The following RABEPK variants were observed in gnomAD, a reference collection of about 807,000 sequenced individuals.
RABEPK encodes Rab9 effector protein with kelch motifs, also known as 40 kDa Rab9 effector protein.
In RABEPK, 27 loss-of-function variants were observed where a neutral mutation model predicts 34.1. The observed-to-expected ratio is 0.79, with a 90% CI of 0.58 to 1.09. The LOEUF is 1.09. RABEPK is among the 50% of genes least tolerant of loss of function. The pLI is 0.00. For synonymous variants in RABEPK, 172 were observed against 169.2 expected (o/e 1.02, Z -0.13); for missense variants, 449 against 462.6 (o/e 0.97, Z 0.27).
intron 5 of RABEPK, chr9:125,221,200 A>G (rs1831308434): frequency 8.3e-6 from 1 of 120,494 alleles, no homozygotes; most frequent in South Asian, 2.6e-4. Context: ...ATAAATAAAT[A>G]AAACTAAAAA....
intron 6 of RABEPK, among the ~76,000 whole-genome samples, chr9:125,229,611 C>T (rs1832033378): frequency 6.6e-6 from 1 of 152,178 alleles, no homozygotes; most frequent in African/African-American, 2.4e-5. Flanking sequence ...TGTCTCTTAA[C>T]CTTCCAACAG....
intron 5 of RABEPK, among the ~76,000 whole-genome samples, chr9:125,225,326 A>G (rs1365074884): frequency 2.0e-5 from 3 of 151,942 alleles, no homozygotes; most frequent in East Asian, 3.9e-4. Flanking sequence ...CAGAGGTTGC[A>G]GTGAGAGCCA....
Position 125,233,783 on chromosome 9 carries a change from G to A in RABEPK, c.922G>A (p.Ala308Thr). The A allele has an allele frequency of 6.2e-7, 1 of 1,614,084 alleles. No homozygotes were observed. Among genetic ancestry groups the A allele is most frequent in the Non-Finnish European group, 8.5e-7 (1 of 1,179,954 alleles). Reference protein sequence around the residue: ...MCIIPWPVTCASEKEDSNSLT... With the variant: ...MCIIPWPVTCTSEKEDSNSLT... ...TATCATTCCATGGCCAGTGACGTGT[G>A]CTTCTGAGAAAGAAGATTCCAACTC... The change falls in exon 8 of 8, where the codon GCT becomes ACT. Residue 308 changes from alanine (A) to threonine (T), a missense_variant. Coordinates refer to ENST00000373538, the MANE Select transcript of RABEPK (RefSeq NM_005833.4).
In RABEPK at chr9:125,220,704, T is replaced by G; in HGVS notation, c.526+4T>G. The G allele has an allele frequency of 6.2e-7, 1 of 1,613,692 alleles. No homozygotes were observed. On this transcript the variant is annotated splice_donor_region_variant and intron_variant, in intron 5 of 7. Coordinates refer to ENST00000373538, the MANE Select transcript of RABEPK (RefSeq NM_005833.4). ...AAGCTGCATGTGTTTGACGCAAGTA[T>G]GGACTGGTGGGCACCTTGGGGCTGG...
At chr9:125,222,711 A>G (rs1035300502) in intron 5 of RABEPK, among the ~76,000 whole-genome samples, 1 of 128,214 alleles carries the variant, frequency 7.8e-6, no homozygotes, top group East Asian at 2.2e-4. Context: ...AAGACTCTGT[A>G]TCAAAAAAAA....
chr9:125,203,721 G>A (rs1387667533), intron 2 of RABEPK, among the ~76,000 whole-genome samples: 1 of 152,136 alleles, frequency 6.6e-6, no homozygotes, highest in Non-Finnish European at 1.5e-5. Context: ...GTGCCTCCCT[G>A]TTGGTGTTGG....
At chr9:125,201,728 C>G (rs1829915902) in intron 1 of RABEPK, among the ~76,000 whole-genome samples, 1 of 152,064 alleles carries the variant, frequency 6.6e-6, no homozygotes, top group Admixed American at 6.6e-5. Flanking sequence ...ATTCTCACGC[C>G]TCAGCCTCCT....
In RABEPK at chr9:125,224,041, A is replaced by G. The variant is rs558272721; in HGVS notation, c.526+3341A>G. Among the ~76,000 whole-genome samples the G allele has an allele frequency of 5.9e-5, 9 of 152,050 alleles. No homozygotes were observed. In the South Asian group the frequency reaches 1.9e-3, roughly 32 times the overall value. ...AAACCCTGTTTCAACTGAAAATACA[A>G]AAAATTATCCAGGCATGGCGGCAGG... On this transcript the variant is annotated intron_variant, in intron 5 of 7. Transcript: ENST00000373538.
intron 6 of RABEPK, among the ~76,000 whole-genome samples, chr9:125,230,509 C>A (rs1288093728): frequency 5.9e-5 from 9 of 151,296 alleles, no homozygotes; most frequent in African/African-American, 2.2e-4. Context: ...AGATGCTGGG[C>A]CCCTGCCTTG....
intron 3 of RABEPK, among the ~76,000 whole-genome samples, chr9:125,212,175 T>A (rs1409710663): frequency 6.6e-6 from 1 of 152,192 alleles, no homozygotes; most frequent in Admixed American, 6.6e-5. Context: ...AGGTCTTGTG[T>A]AATTGGTTAA....
intron 2 of RABEPK, among the ~76,000 whole-genome samples, chr9:125,205,438 T>C (rs1830164431): frequency 6.6e-6 from 1 of 152,220 alleles, no homozygotes; most frequent in Admixed American, 6.6e-5. Context: ...TAGCTTCAGT[T>C]CCTCCGTTGT....
At chr9:125,204,427 C>T (rs996974654) in intron 2 of RABEPK, among the ~76,000 whole-genome samples, 3 of 152,022 alleles carry the variant, frequency 2.0e-5, no homozygotes, top group Admixed American at 2.0e-4. Context: ...ACTAAAAATA[C>T]AAAAATTAAC....
intron 6 of RABEPK, among the ~76,000 whole-genome samples, chr9:125,228,581 C>T (rs940649778): frequency 6.6e-6 from 1 of 151,708 alleles, no homozygotes; most frequent in Non-Finnish European, 1.5e-5. Flanking sequence ...ATCGCTTGAA[C>T]CCAGGAGGTG....
chr9:125,203,749 T>C (rs948707137), intron 2 of RABEPK, among the ~76,000 whole-genome samples: 1 of 152,118 alleles, frequency 6.6e-6, no homozygotes, highest in African/African-American at 2.4e-5. Flanking sequence ...ATCAGACTCC[T>C]GGGCTGGGCA....
chr9:125,208,629 A>T (rs983185297), intron 3 of RABEPK, among the ~76,000 whole-genome samples: 4 of 151,726 alleles, frequency 2.6e-5, no homozygotes, highest in Non-Finnish European at 5.9e-5. Context: ...TGTGCCTTCC[A>T]GGTTCAAGCG....
At chr9:125,232,501 CT>C in intron 6 of RABEPK, 94 bp from the exon 7 acceptor site, 2 of 1,365,072 alleles carry the variant, frequency 1.5e-6, no homozygotes, top group Middle Eastern at 2.3e-4. Context: ...TGGTGAATGA[CT>C]TTCAGTGATT....
At chr9:125,202,978 C>CT (rs1830000389) in intron 1 of RABEPK, 30 bp from the exon 2 acceptor site, 2 of 1,596,664 alleles carry the variant, frequency 1.3e-6, no homozygotes. Context: ...TCATAAGTGT[C>CT]TAAAAAGTGC....
At chr9:125,216,446 G>A (rs1394798429) in intron 4 of RABEPK, among the ~76,000 whole-genome samples, 1 of 148,758 alleles carries the variant, frequency 6.7e-6, no homozygotes, top group Non-Finnish European at 1.5e-5. Context: ...TACAATAGTT[G>A]GTCAGAGTTC....
intron 2 of RABEPK, 76 bp downstream of exon 2, chr9:125,203,142 A>G: frequency 7.6e-7 from 1 of 1,310,718 alleles, no homozygotes; most frequent in Non-Finnish European, 1.1e-6. Context: ...TACATATTTG[A>G]TCATCAACAA....
Sources: gnomAD v4.1 joint callset for allele counts (sites outside exome capture counted in the v4.1 genomes callset) on GRCh38, gnomAD v4.1.1 for gene constraint, MANE v1.5 for transcripts, NCBI Gene and HGNC (gene_info 2026-07-23, HGNC 2026-07-21) for gene names.